Variants in KCNH1 observed in about 807,000 individuals in gnomAD.
KCNH1 encodes voltage-gated delayed rectifier potassium channel KCNH1.
In KCNH1, 27 loss-of-function variants were observed where a neutral mutation model predicts 69.2. The ratio of observed to expected loss-of-function variants is 0.39; its 90% CI spans 0.29 to 0.54. The LOEUF (loss-of-function observed/expected upper bound fraction) is 0.54, where lower values mean the gene tolerates loss of function less well. Ranked by LOEUF, KCNH1 falls within the 20% of genes least tolerant of loss-of-function variation. KCNH1 has a pLI of 0.68. For synonymous variants in KCNH1, 456 were observed against 487.7 expected (o/e 0.93, Z 0.86); for missense variants, 798 against 1,261.6 (o/e 0.63, Z 5.57).
At chr1:211,083,212 A>G (rs1690889006) in intron 4 of KCNH1, among the ~76,000 whole-genome samples, 1 of 152,242 alleles carries the variant, frequency 6.6e-6, no homozygotes, top group South Asian at 2.1e-4. Flanking sequence ...AGTCTAGAAC[A>G]TCTCTTCACT....
intron 6 of KCNH1, among the ~76,000 whole-genome samples, chr1:210,973,252 G>A (rs1325243829): frequency 1.3e-5 from 2 of 152,072 alleles, no homozygotes; most frequent in Admixed American, 1.3e-4. Flanking sequence ...TATATTTGAT[G>A]CTCAATAATG....
At chr1:210,917,225 GAGAGAGAAAGAAAGAAAGAA>G (rs1254730806) in intron 7 of KCNH1, among the ~76,000 whole-genome samples, 25 of 80,662 alleles carry the variant, frequency 3.1e-4, no homozygotes, top group African/African-American at 4.9e-4. Flanking sequence ...GAGAGAGAGA[GAGAGAGAAAGAAAGAAAGAA>G]AGAAAGAAAG....
intron 7 of KCNH1, among the ~76,000 whole-genome samples, chr1:210,916,772 G>A (rs75146954): frequency 0.01 from 1,535 of 152,258 alleles, 55 homozygotes; most frequent in East Asian, 0.055. Flanking sequence ...TCAAGGAAAT[G>A]GTGTTAAGTG....
chr1:211,062,537 A>G (rs1690449447), intron 5 of KCNH1, among the ~76,000 whole-genome samples: 1 of 152,196 alleles, frequency 6.6e-6, no homozygotes, highest in Non-Finnish European at 1.5e-5. Flanking sequence ...ACAGAATAGG[A>G]GAAAATATTT....
chr1:210,942,770 T>TA (rs554718903), intron 6 of KCNH1, among the ~76,000 whole-genome samples: 9,096 of 143,666 alleles, frequency 0.063, 325 homozygotes, highest in East Asian at 0.18. Flanking sequence ...ATAAGGTTAT[T>TA]AAAAAAAAAA....
At chr1:211,023,894 T>C (rs1184813568) in intron 5 of KCNH1, among the ~76,000 whole-genome samples, 1 of 152,022 alleles carries the variant, frequency 6.6e-6, no homozygotes, top group Non-Finnish European at 1.5e-5. Context: ...CACAGTAGAG[T>C]GAATAATAAT....
chr1:210,753,967 T>G (rs1165398349), intron 10 of KCNH1, among the ~76,000 whole-genome samples: 1 of 151,714 alleles, frequency 6.6e-6, no homozygotes, highest in Non-Finnish European at 1.5e-5. Flanking sequence ...CAGGCTGGAC[T>G]GCAGCGGCGC....
chr1:210,973,542 C>T (rs757556991), intron 6 of KCNH1, among the ~76,000 whole-genome samples: 19 of 152,044 alleles, frequency 1.2e-4, no homozygotes, highest in Admixed American at 2.0e-4. Context: ...CTCAGAGTCA[C>T]ATTTATTTTG....
intron 7 of KCNH1, among the ~76,000 whole-genome samples, chr1:210,894,829 AC>A (rs1686830141): frequency 6.6e-6 from 1 of 152,172 alleles, no homozygotes; most frequent in Non-Finnish European, 1.5e-5. Flanking sequence ...TTCTGGAGGA[AC>A]CATGAGCTAA....
rs1398847686 is a variant in KCNH1 at position 210,725,653 on chromosome 1, G to A, written c.2113-41515C>T. Among the ~76,000 whole-genome samples the A allele has an allele frequency of 2.6e-5, 4 of 152,118 alleles. No individual in the cohort carries two copies. The East Asian group carries it at 7.7e-4, about 29-fold the overall frequency. On this transcript the variant is annotated intron_variant, in intron 10 of 10. Transcript: ENST00000271751. ...ATGCTGTAGAAGCTCATTTCTGCAGGGCAGCTAAGACTATACCTGTCTCAT... is the reference window on the plus strand; with the variant it reads ...ATGCTGTAGAAGCTCATTTCTGCAGAGCAGCTAAGACTATACCTGTCTCAT...
At chr1:210,894,077 C>G (rs2102526441) in intron 7 of KCNH1, among the ~76,000 whole-genome samples, 1 of 151,976 alleles carries the variant, frequency 6.6e-6, no homozygotes, top group East Asian at 1.9e-4. Context: ...ACTGATTTTT[C>G]TCCTCATCAT....
chr1:211,046,211 G>A (rs1690093264), intron 5 of KCNH1, among the ~76,000 whole-genome samples: 1 of 152,168 alleles, frequency 6.6e-6, no homozygotes, highest in Admixed American at 6.5e-5. Flanking sequence ...TCAAGAGCCT[G>A]ATTTTAATTC....
rs1313045078 is a variant in KCNH1 at position 210,972,961 on chromosome 1, C to T, written c.1032+45822G>A. Among the ~76,000 whole-genome samples the T allele has an allele frequency of 2.0e-5, 3 of 151,100 alleles. No individual in the cohort carries two copies. In the South Asian group the frequency reaches 6.3e-4, roughly 32 times the overall value. On this transcript the variant is annotated intron_variant, in intron 6 of 10. Coordinates refer to ENST00000271751, the MANE Select transcript of KCNH1 (RefSeq NM_172362.3). ...AAAAAAAGTAAAACTGGCTGTTTGC[C>T]TCCCATCTACTCACTCTTCTACCCT...
intron 6 of KCNH1, among the ~76,000 whole-genome samples, chr1:211,007,857 G>C (rs1689314330): frequency 1.3e-5 from 2 of 152,128 alleles, no homozygotes; most frequent in African/African-American, 2.4e-5. Context: ...ACACATATTA[G>C]ATGGCTACTC....
In KCNH1 at chr1:210,682,194, C is replaced by G. The variant is rs773923496; in HGVS notation, c.*1087G>C. ...CTGACTTTAATAGGAAATAGAGAGA[C>G]TGGCTTTAAAATAAGGCCCAGCATG... On this transcript the variant is annotated 3_prime_UTR_variant, in exon 11 of 11. Coordinates refer to ENST00000271751, the MANE Select transcript of KCNH1 (RefSeq NM_172362.3). The G allele has an allele frequency of 6.6e-6, 1 of 152,188 alleles. No individual in the cohort carries two copies. Among genetic ancestry groups the G allele is most frequent in the Admixed American group, 6.5e-5 (1 of 15,276 alleles). 9.4% of individuals were successfully genotyped at this position (152,188 alleles called of 1,614,324 possible).
chr1:211,017,287 A>G (rs1689509742), intron 6 of KCNH1, among the ~76,000 whole-genome samples: 2 of 152,198 alleles, frequency 1.3e-5, no homozygotes, highest in Admixed American at 1.3e-4. Context: ...GCAGAAAGGC[A>G]TCATTATGCC....
chr1:211,067,140 C>T (rs539693158), intron 5 of KCNH1, among the ~76,000 whole-genome samples: 97 of 152,288 alleles, frequency 6.4e-4, no homozygotes, highest in Non-Finnish European at 8.7e-4. Context: ...GAGTCACTCC[C>T]GCATGGAAGC....
intron 10 of KCNH1, among the ~76,000 whole-genome samples, chr1:210,691,061 G>A (rs1025262677): frequency 2.5e-4 from 38 of 152,232 alleles, no homozygotes; most frequent in African/African-American, 8.9e-4. Flanking sequence ...TCACAGAACT[G>A]TTATGAGGAT....
chr1:210,746,336 C>G (rs1261579928), intron 10 of KCNH1, among the ~76,000 whole-genome samples: 6 of 152,096 alleles, frequency 3.9e-5, no homozygotes, highest in Admixed American at 3.9e-4. Context: ...AGATGCCTCC[C>G]CTTTCATTTT....
Sources: gnomAD v4.1 joint callset for allele counts (sites outside exome capture counted in the v4.1 genomes callset) on GRCh38, gnomAD v4.1.1 for gene constraint, MANE v1.5 for transcripts, NCBI Gene and HGNC (gene_info 2026-07-23, HGNC 2026-07-21) for gene names.